FANCE: variants seen among roughly 807,000 people sequenced by gnomAD.
FANCE encodes FA complementation group E.
In FANCE, 42 loss-of-function variants were observed where a neutral mutation model predicts 57.8. The ratio of observed to expected loss-of-function variants is 0.73; its 90% CI spans 0.57 to 0.94. The LOEUF (loss-of-function observed/expected upper bound fraction) is 0.94. Ranked by LOEUF, FANCE falls within the 40% of genes least tolerant of loss-of-function variation. The probability of loss-of-function intolerance (pLI) is 0.00; values close to 1 mark genes in which losing one functional copy is unlikely to be tolerated. For synonymous variants in FANCE, 251 were observed against 286.4 expected (o/e 0.88, Z 1.25); for missense variants, 608 against 661.8 (o/e 0.92, Z 0.89).
chr6:35,457,143 C>T (rs867008853), intron 2 of FANCE, among the ~76,000 whole-genome samples: 30 of 151,094 alleles, frequency 2.0e-4, no homozygotes, highest in Admixed American at 5.3e-4. Context: ...TTTTTCTCCT[C>T]GAGACAGGGT....
chr6:35,456,116 A>G lies in FANCE; in HGVS notation c.618A>G (p.Glu206=). ...GGAAACGCAGAAAGGACTCAGAGGA[A>G]GAGGCTGCCAGTCCTGAGGGGAAGA... The part of the protein sequence containing the change: ...QPGKRRKDSE[E]EAASPEGKRV... The change falls in exon 2 of 10, where the codon GAA becomes GAG. Residue 206 remains glutamate (E), a synonymous_variant. Coordinates refer to ENST00000229769, the MANE Select transcript of FANCE (RefSeq NM_021922.3). The surrounding 1 kb of genome is among the most constrained non-coding windows in gnomAD (Gnocchi z 4.3). 6.2e-7 allele frequency: 1 copy of G among 1,614,118 alleles called. No homozygotes were observed. Among genetic ancestry groups the G allele is most frequent in the East Asian group, 2.2e-5 (1 of 44,868 alleles).
At chr6:35,458,553 T>A in intron 5 of FANCE, 113 bp downstream of exon 5, 1 of 1,357,462 alleles carries the variant, frequency 7.4e-7, no homozygotes, top group Non-Finnish European at 1.0e-6. Flanking sequence ...ACATCTGGGC[T>A]GTTTGGGCAG....
Position 35,462,804 on chromosome 6 carries a change from G to A in FANCE, c.1399G>A (p.Glu467Lys). 1 of 1,614,152 alleles carries A rather than the reference G, an allele frequency of 6.2e-7. No homozygotes were observed. The highest frequency in any genetic ancestry group is 8.5e-7 in the Non-Finnish European group (1 of 1,180,004). The stretch of plus-strand genomic sequence containing the variant: ...ATGTGTGCAGGTGGAGATGACCCCT[G>A]AGAAGTTCAGTGTCTTAATGGAGAA... ...LLERQVEMTP[E>K]KFSVLMEKLC... Residue 467 changes from glutamate to lysine, a missense_variant, in exon 9 of 10, where the codon GAG becomes AAG. Physicochemically the swap from Glu to Lys is moderately conservative, Grantham distance 56. Transcript: ENST00000229769.
intron 8 of FANCE, 133 bp downstream of exon 8, chr6:35,460,751 G>A (rs769297923): frequency 3.3e-5 from 26 of 787,298 alleles, no homozygotes; most frequent in Non-Finnish European, 5.2e-5. Context: ...GCAGCTGCCT[G>A]AGACAGTGGG....
chr6:35,455,991 C>T lies in FANCE; in HGVS notation c.493C>T (p.Gln165Ter), dbSNP rs1767316824. 1 of 1,613,184 alleles carries T rather than the reference C, an allele frequency of 6.2e-7. No individual in the cohort carries two copies. The highest frequency in any genetic ancestry group is 8.5e-7 in the Non-Finnish European group (1 of 1,179,700). Reference sequence around the variant, plus strand: ...GTCTGAAAGATGCCAGAGACAGCTCCAAAGTCTATGTAGGGGGCTGGGCCT... The same window carrying T: ...GTCTGAAAGATGCCAGAGACAGCTCTAAAGTCTATGTAGGGGGCTGGGCCT... Reference protein sequence around the residue: ...PLSERCQRQLQSLCRGLGLGG... With the variant: ...PLSERCQRQL Residue 165 changes from glutamine to a stop codon, truncating the protein, a stop_gained, in exon 2 of 10, where the codon CAA becomes TAA. Transcript: ENST00000229769. LOFTEE classifies it high-confidence loss of function.
intron 8 of FANCE, among the ~76,000 whole-genome samples, chr6:35,461,729 G>T (rs911475612): frequency 6.7e-6 from 1 of 149,530 alleles, no homozygotes; most frequent in East Asian, 2.0e-4. Context: ...CTCACTGCAA[G>T]CTCTGCCTCC....
Position 35,456,401 on chromosome 6 carries a change from G to T in FANCE, c.855+48G>T. ...TTTAGAGTGATCTTTCAGCAGTGGT[G>T]GCTTTATCCATGGGGAAGGCTGCTT... On this transcript the variant is annotated intron_variant, in intron 2 of 9. Coordinates refer to ENST00000229769, the MANE Select transcript of FANCE (RefSeq NM_021922.3). The surrounding 1 kb of genome is among the most constrained non-coding windows in gnomAD (Gnocchi z 4.3). 6.2e-7 allele frequency: 1 copy of T among 1,613,648 alleles called. No homozygotes were observed. Among genetic ancestry groups the T allele is most frequent in the South Asian group, 1.1e-5 (1 of 91,014 alleles).
intron 9 of FANCE, among the ~76,000 whole-genome samples, chr6:35,465,546 G>A (rs920340197): frequency 1.3e-5 from 2 of 152,278 alleles, no homozygotes; most frequent in South Asian, 2.1e-4. Flanking sequence ...CCCTTATGTC[G>A]GGGGTGTTAC....
chr6:35,459,233 TCC>T lies in FANCE; in HGVS notation c.1114-97_1114-96del. Reference sequence around the variant, plus strand: ...AAATAAAAGAACTTGGTTTTTTTTTTCCTTTGTAACATGTATCATCATCTGAA... The same window carrying T: ...AAATAAAAGAACTTGGTTTTTTTTTTTTTGTAACATGTATCATCATCTGAA... On this transcript the variant is annotated intron_variant, in intron 5 of 9. Coordinates refer to ENST00000229769, the MANE Select transcript of FANCE (RefSeq NM_021922.3). The T allele has an allele frequency of 1.8e-5, 28 of 1,518,788 alleles. No homozygotes were observed. In the Admixed American group the frequency reaches 2.7e-4, roughly 15 times the overall value. The allele number at this position is 1,518,788 out of a possible 1,614,324, so 94.1% of individuals were successfully genotyped here. A position where few individuals can be genotyped will look rare whatever the true frequency, so the allele number is the denominator to read the frequency against.
At position 35,456,473 on chromosome 6, in the gene FANCE, A is replaced by G. The variant is rs1767348103; in HGVS notation, c.855+120A>G. The G allele has an allele frequency of 1.5e-6, 2 of 1,330,862 alleles. No homozygotes were observed. The highest frequency in any genetic ancestry group is 3.4e-5 in the Admixed American group (2 of 59,622). 82.4% of individuals were successfully genotyped at this position (1,330,862 alleles called of 1,614,324 possible). A position where few individuals can be genotyped will look rare whatever the true frequency, so the allele number is the denominator to read the frequency against. On this transcript the variant is annotated intron_variant, in intron 2 of 9. Coordinates refer to ENST00000229769, the MANE Select transcript of FANCE (RefSeq NM_021922.3). This position sits in a 1 kb window ranked among gnomAD's most constrained non-coding sequence, Gnocchi z 4.3. The stretch of plus-strand genomic sequence containing the variant: ...GTTGACTGTAGTTCCTGGAGGAAGA[A>G]GGAGGAAGGTAGGGTTGAGGGAATG...
intron 9 of FANCE, among the ~76,000 whole-genome samples, chr6:35,464,774 C>CCAGGCTGGA (rs1333312015): frequency 6.8e-6 from 1 of 147,840 alleles, no homozygotes; most frequent in Non-Finnish European, 1.5e-5. Context: ...GCTCTGTCGC[C>CCAGGCTGGA]CAGGCTGGAG....
rs114749547 is a variant in FANCE at position 35,459,213 on chromosome 6, A to C, written c.1114-118A>C. ...GGTGGGTCCATGTGAGTTCTAAATA[A>C]AAGAACTTGGTTTTTTTTTTCCTTT... On this transcript the variant is annotated intron_variant, in intron 5 of 9. Coordinates refer to ENST00000229769, the MANE Select transcript of FANCE (RefSeq NM_021922.3). 380 of 1,382,020 alleles carry C rather than the reference A, an allele frequency of 2.7e-4. 2 individuals carry two copies. In the African/African-American group the frequency reaches 5.0e-3, roughly 18 times the overall value. 85.6% of individuals were successfully genotyped at this position (1,382,020 alleles called of 1,614,324 possible).
intron 4 of FANCE, 47 bp downstream of exon 4, chr6:35,458,031 TTATCTTTTTC>T: frequency 6.5e-7 from 1 of 1,540,090 alleles, no homozygotes; most frequent in Non-Finnish European, 9.0e-7. Context: ...TCTCTGTCCC[TTATCTTTTTC>T]TATTTAAGTT....
At chr6:35,463,401 T>C (rs1767670237) in intron 9 of FANCE, among the ~76,000 whole-genome samples, 1 of 152,222 alleles carries the variant, frequency 6.6e-6, no homozygotes, top group Non-Finnish European at 1.5e-5. Flanking sequence ...AGTTCATTCA[T>C]CCAGCCAACA....
chr6:35,457,629 C>A, intron 3 of FANCE, 29 bp downstream of exon 3: 1 of 1,612,246 alleles, frequency 6.2e-7, no homozygotes, highest in African/African-American at 1.3e-5. Flanking sequence ...CTCACCATAG[C>A]CTTTCTTCCA....
chr6:35,459,868 C>T, intron 7 of FANCE, 108 bp downstream of exon 7: 1 of 922,250 alleles, frequency 1.1e-6, no homozygotes. Flanking sequence ...CTCTAGGAAG[C>T]CTTATGTGTA....
rs1391767020 is a variant in FANCE, at chr6:35,460,540, T to C, written c.1317-12T>C. The C allele has an allele frequency of 6.2e-7, 1 of 1,613,788 alleles. No individual in the cohort carries two copies. Among genetic ancestry groups the C allele is most frequent in the Non-Finnish European group, 8.5e-7 (1 of 1,179,832 alleles). ...AGGCCAGGCATTTTTCACTAGGGCC[T>C]CTGCTTTGCAGACAGATCTTGGAGC... is the stretch of plus-strand genomic sequence containing the variant. On this transcript the variant is annotated splice_polypyrimidine_tract_variant and intron_variant, in intron 7 of 9. Transcript: ENST00000229769.
Position 35,456,099 on chromosome 6 carries a change from A to C in FANCE, c.601A>C (p.Arg201=). ...GGACTCCCAGCAGCCTGGGAAACGC[A>C]GAAAGGACTCAGAGGAAGAGGCTGC... ...NRDSQQPGKR[R]KDSEEEAASP... Residue 201 remains arginine, a synonymous_variant, in exon 2 of 10, where the codon AGA becomes CGA. Transcript: ENST00000229769. The surrounding 1 kb of genome is among the most constrained non-coding windows in gnomAD (Gnocchi z 4.3). 1 of 1,614,106 alleles carries C rather than the reference A, an allele frequency of 6.2e-7. No individual in the cohort carries two copies. Among genetic ancestry groups the C allele is most frequent in the Admixed American group, 1.7e-5 (1 of 60,020 alleles).
rs1561790331 is a variant in FANCE at position 35,456,391 on chromosome 6, C to T, written c.855+38C>T. On this transcript the variant is annotated intron_variant, in intron 2 of 9. Transcript: ENST00000229769. This position sits in a 1 kb window ranked among gnomAD's most constrained non-coding sequence, Gnocchi z 4.3. ...GGAGACTGGGTTTAGAGTGATCTTT[C>T]AGCAGTGGTGGCTTTATCCATGGGG... is the stretch of plus-strand genomic sequence containing the variant. 3 of 1,614,022 alleles carry T rather than the reference C, an allele frequency of 1.9e-6. No homozygotes were observed. The highest frequency in any genetic ancestry group is 2.5e-6 in the Non-Finnish European group (3 of 1,179,944).
Sources: gnomAD v4.1 joint callset for allele counts (sites outside exome capture counted in the v4.1 genomes callset) on GRCh38, gnomAD v4.1.1 for gene constraint, Gnocchi (gnomAD v3.1) non-coding constraint, MANE v1.5 for transcripts, NCBI Gene and HGNC (gene_info 2026-07-23, HGNC 2026-07-21) for gene names.